Variants in VPS13C observed in about 807,000 individuals in gnomAD.
The protein encoded by VPS13C is vacuolar protein sorting 13 homolog C.
VPS13C carries 358 observed loss-of-function variants against 456.8 expected under a neutral mutation model. The ratio of observed to expected loss-of-function variants is 0.78; its 90% CI spans 0.72 to 0.86. VPS13C has a LOEUF of 0.86. Among genes scored for constraint, VPS13C ranks in the 40% least tolerant of loss-of-function variants. VPS13C has a pLI of 0.00. For synonymous variants in VPS13C, 1,578 were observed against 1,486.7 expected, an observed-to-expected ratio of 1.06 and a Z score of -1.41; for missense variants, 4,818 against 4,385.4, an observed-to-expected ratio of 1.10 and a Z score of -2.79.
intron 49 of VPS13C, among the ~76,000 whole-genome samples, chr15:61,932,307 A>C (rs529807063): frequency 3.3e-5 from 5 of 152,240 alleles, no homozygotes; most frequent in South Asian, 4.1e-4. Flanking sequence ...AAACATGAAC[A>C]AACAATTCAA....
intron 22 of VPS13C, among the ~76,000 whole-genome samples, chr15:61,980,151 T>TCCAGC (rs1336652891): frequency 8.7e-6 from 1 of 114,992 alleles, no homozygotes; most frequent in Non-Finnish European, 1.6e-5. Context: ...ACCACTGCAC[T>TCCAGC]CCAGCCTGGG....
rs1894785611 is a variant in VPS13C at position 61,868,810 on chromosome 15, T to G, written c.10749-37A>C. The G allele has an allele frequency of 2.0e-6, 3 of 1,501,870 alleles. No homozygotes were observed. In the East Asian group the frequency reaches 6.9e-5, roughly 34 times the overall value. The allele number at this position is 1,501,870 out of a possible 1,614,324, so 93.0% of individuals were successfully genotyped here. A position where few individuals can be genotyped will look rare whatever the true frequency, so the allele number is the denominator to read the frequency against. On this transcript the variant is annotated intron_variant, in intron 80 of 84. Coordinates refer to ENST00000644861, the MANE Select transcript of VPS13C (RefSeq NM_020821.3). ...ATCAGAGTAAGTGTAAGAAAATACG[T>G]GAGAGTCTTTCAAAATAATGTGTGT... is the stretch of plus-strand genomic sequence containing the variant.
At chr15:61,872,074 A>C in intron 78 of VPS13C, 40 bp from the exon 79 acceptor site, 1 of 1,586,206 alleles carries the variant, frequency 6.3e-7, no homozygotes, top group Non-Finnish European at 8.6e-7. Context: ...ACTGAATGGA[A>C]GGTGTTTAAT....
intron 56 of VPS13C, 73 bp downstream of exon 56, chr15:61,920,425 T>A: frequency 1.3e-6 from 2 of 1,490,156 alleles, no homozygotes; most frequent in Non-Finnish European, 1.8e-6. Context: ...GGAAACTAAT[T>A]TTGATGACAA....
intron 5 of VPS13C, among the ~76,000 whole-genome samples, chr15:62,032,395 T>C (rs1408713757): frequency 6.6e-6 from 1 of 151,774 alleles, no homozygotes; most frequent in African/African-American, 2.4e-5. Flanking sequence ...TATGCTCAAG[T>C]GTGAAAATAA....
At chr15:61,922,970 G>A (rs2043711511) in intron 53 of VPS13C, among the ~76,000 whole-genome samples, 1 of 152,076 alleles carries the variant, frequency 6.6e-6, no homozygotes, top group Admixed American at 6.5e-5. Flanking sequence ...GTCAAGCCAA[G>A]TAATCATGCA....
At chr15:61,947,397 C>A in intron 42 of VPS13C, 88 bp from the exon 43 acceptor site, 1 of 965,962 alleles carries the variant, frequency 1.0e-6, no homozygotes, top group Non-Finnish European at 1.6e-6. Flanking sequence ...AATAAAAGTA[C>A]CCAATGTACT....
intron 23 of VPS13C, among the ~76,000 whole-genome samples, chr15:61,978,026 T>C (rs1463013187): frequency 6.6e-6 from 1 of 152,018 alleles, no homozygotes; most frequent in African/African-American, 2.4e-5. Context: ...TTAATAAATA[T>C]GTATTGCTTC....
chr15:61,857,018 T>A (rs1240465579), intron 82 of VPS13C, among the ~76,000 whole-genome samples: 1 of 152,098 alleles, frequency 6.6e-6, no homozygotes, highest in African/African-American at 2.4e-5. Flanking sequence ...ATAAAAAAAA[T>A]AACAGAACCC....
chr15:62,054,604 G>A (rs2048728073), intron 1 of VPS13C, among the ~76,000 whole-genome samples: 1 of 152,050 alleles, frequency 6.6e-6, no homozygotes, highest in Non-Finnish European at 1.5e-5. Context: ...AGAGTATTAG[G>A]ACAAATACAT....
intron 28 of VPS13C, among the ~76,000 whole-genome samples, chr15:61,967,703 CAAAT>C (rs143761107): frequency 0.057 from 8,601 of 151,938 alleles, 300 homozygotes; most frequent in Non-Finnish European, 0.08. Context: ...AAAATTCTGA[CAAAT>C]AATTTATTTT....
intron 16 of VPS13C, among the ~76,000 whole-genome samples, chr15:62,000,163 A>C (rs1350526426): frequency 6.6e-6 from 1 of 152,094 alleles, no homozygotes; most frequent in Non-Finnish European, 1.5e-5. Context: ...GGAATTCAAG[A>C]CCAGGCTGGC....
In VPS13C at chr15:61,981,328, G is replaced by A. The variant is rs746963065; in HGVS notation, c.2166+14C>T. The A allele has an allele frequency of 2.7e-4, 432 of 1,578,252 alleles. No homozygotes were observed. The highest frequency in any genetic ancestry group is 3.6e-4 in the Non-Finnish European group (415 of 1,166,702). Reference sequence around the variant, plus strand: ...GTCAAAGATGGGCAGACAAAAAAACGCATATATACCTACCTGAAATGTACC... The same window carrying A: ...GTCAAAGATGGGCAGACAAAAAAACACATATATACCTACCTGAAATGTACC... On this transcript the variant is annotated intron_variant, in intron 22 of 84. Coordinates refer to ENST00000644861, the MANE Select transcript of VPS13C (RefSeq NM_020821.3).
chr15:62,003,288 A>G (rs1457569424), intron 15 of VPS13C, among the ~76,000 whole-genome samples: 2 of 150,988 alleles, frequency 1.3e-5, no homozygotes, highest in East Asian at 1.9e-4. Flanking sequence ...TCAATTGTGA[A>G]TGGGAATTCA....
At chr15:61,894,044 G>A (rs1438126527) in intron 66 of VPS13C, among the ~76,000 whole-genome samples, 1 of 152,146 alleles carries the variant, frequency 6.6e-6, no homozygotes, top group African/African-American at 2.4e-5. Context: ...AGTGGCTCAT[G>A]CCTGTAATCC....
rs1199577699 is a variant in VPS13C, at chr15:61,919,313, T to C, written c.7614A>G (p.Val2538=). The stretch of plus-strand genomic sequence containing the variant: ...CCTGTAGAGGAGAGCGAAGGGTAAT[T>C]ACTTTATTCCCTTCAGTTGCATCAA... ...VQIDATEGNK[V]ITLRSPLQIK... is the part of the protein sequence containing the mutation. The change falls in exon 58 of 85, where the codon GTA becomes GTG. Residue 2538 remains valine (V), a synonymous_variant. Coordinates refer to ENST00000644861, the MANE Select transcript of VPS13C (RefSeq NM_020821.3). The C allele has an allele frequency of 1.9e-6, 3 of 1,605,408 alleles. No individual in the cohort carries two copies. Among genetic ancestry groups the C allele is most frequent in the Non-Finnish European group, 2.6e-6 (3 of 1,176,370 alleles).
chr15:61,961,928 G>C, intron 34 of VPS13C, 35 bp from the exon 35 acceptor site: 1 of 1,572,280 alleles, frequency 6.4e-7, no homozygotes, highest in African/African-American at 1.4e-5. Flanking sequence ...GAAATTCAAA[G>C]AGAATACAGG....
At position 61,856,308 on chromosome 15, in the gene VPS13C, T is replaced by A; in HGVS notation, c.11054A>T (p.Asn3685Ile). 6.2e-7 allele frequency: 1 copy of A among 1,613,270 alleles called. No individual in the cohort carries two copies. Among genetic ancestry groups the A allele is most frequent in the Non-Finnish European group, 8.5e-7 (1 of 1,179,492 alleles). The stretch of plus-strand genomic sequence containing the variant: ...TACCTTAACTGAAATTTTTAGCACA[T>A]TTTCACTGACACTAGGAGGAAATAC... ...DFVFPPSVSE[N>I]VLKISVKEQG... is the part of the protein sequence containing the mutation. Residue 3685 changes from asparagine (N) to isoleucine (I), a missense_variant, in exon 83 of 85, where the codon AAT (asparagine) becomes ATT (isoleucine). By Grantham distance (149) the Asn-to-Ile change is moderately radical. Around this residue, in one of 3 missense-constraint regions of VPS13C, gnomAD observed 261 missense variants for 234.1 expected, o/e 1.11. Transcript: ENST00000644861.
intron 6 of VPS13C, among the ~76,000 whole-genome samples, chr15:62,027,110 A>C (rs1281783652): frequency 6.6e-6 from 1 of 152,120 alleles, no homozygotes; most frequent in African/African-American, 2.4e-5. Flanking sequence ...TCAGAAACTG[A>C]AAAGAGGAAA....
Sources: gnomAD v4.1 joint callset for allele counts (sites outside exome capture counted in the v4.1 genomes callset) on GRCh38, gnomAD v4.1.1 for gene constraint, gnomAD v4.1.1 regional missense constraint, MANE v1.5 for transcripts, NCBI Gene and HGNC (gene_info 2026-07-23, HGNC 2026-07-21) for gene names.